The following ARHGAP39 variants were observed in gnomAD, a reference collection of about 807,000 sequenced individuals.
The protein encoded by ARHGAP39 is rho GTPase-activating protein 39.
Under a neutral mutation model 106.9 loss-of-function variants are expected in ARHGAP39, and 44 were observed. The ratio of observed to expected loss-of-function variants is 0.41; its 90% confidence interval spans 0.32 to 0.53. ARHGAP39 has a LOEUF of 0.53. Among genes scored for constraint, ARHGAP39 ranks in the 20% least tolerant of loss-of-function variants. The probability of loss-of-function intolerance (pLI) is 0.21; values close to 1 mark genes in which losing one functional copy is unlikely to be tolerated. For synonymous variants in ARHGAP39, 768 were observed against 693.2 expected, an observed-to-expected ratio of 1.11 and a Z score of -1.69; for missense variants, 1,496 against 1,577.3, an observed-to-expected ratio of 0.95 and a Z score of 0.87.
In ARHGAP39 at chr8:144,586,903, TCTC is replaced by T. The variant is rs543590118; in HGVS notation, c.81-5629_81-5627del. ...TGGTTTGGCTGTGTCCCCACCCAAATCTCCTCCTGAGTTGTAGTTCCCACAACC... is the reference window on the plus strand; with the variant it reads ...TGGTTTGGCTGTGTCCCCACCCAAATCTCCTGAGTTGTAGTTCCCACAACC... On this transcript the variant is annotated intron_variant, in intron 2 of 11. Transcript: ENST00000377307. The surrounding 1 kb of genome is among the most constrained non-coding windows in gnomAD (Gnocchi z 4.2). Among the ~76,000 whole-genome samples the T allele has an allele frequency of 4.5e-3, 680 of 152,228 alleles. 1 individual carries two copies. Among genetic ancestry groups the T allele is most frequent in the Non-Finnish European group, 8.4e-3 (570 of 68,008 alleles).
chr8:144,539,283 G>A (rs941717255), intron 6 of ARHGAP39, among the ~76,000 whole-genome samples: 2 of 152,156 alleles, frequency 1.3e-5, no homozygotes, highest in Admixed American at 6.5e-5. Context: ...AACATACAGA[G>A]CTAAACATGG....
At chr8:144,693,443 G>A in the ARHGAP39 span, among the ~76,000 whole-genome samples, 3 of 150,794 alleles carry the variant, frequency 2.0e-5, no homozygotes, top group African/African-American at 4.9e-5. Context: ...GCGCGATCTC[G>A]GCTCACTGCA....
intron 2 of ARHGAP39, among the ~76,000 whole-genome samples, chr8:144,584,724 C>T (rs1819118221): frequency 6.6e-6 from 1 of 152,208 alleles, no homozygotes; most frequent in Non-Finnish European, 1.5e-5. Flanking sequence ...GATCACGCCA[C>T]TGCACTCAGG....
intron 1 of ARHGAP39, among the ~76,000 whole-genome samples, chr8:144,649,407 G>A (rs775226436): frequency 2.0e-5 from 3 of 151,900 alleles, no homozygotes; most frequent in Non-Finnish European, 1.5e-5. Flanking sequence ...CTGAGATCGC[G>A]CCACTGCACT....
At chr8:144,693,232 T>C in the ARHGAP39 span, among the ~76,000 whole-genome samples, 1 of 148,608 alleles carries the variant, frequency 6.7e-6, no homozygotes, top group African/African-American at 2.5e-5. Context: ...GCCCAGCTGA[T>C]TTTTGTATTT....
intron 7 of ARHGAP39, 69 bp downstream of exon 7, chr8:144,537,652 C>T (rs1817014549): frequency 1.4e-6 from 2 of 1,411,584 alleles, no homozygotes; most frequent in Non-Finnish European, 2.0e-6. Context: ...AAGAGAAGGC[C>T]AGGCGGCCGA....
upstream of ARHGAP39, among the ~76,000 whole-genome samples, chr8:144,689,891 A>G (rs1229815422): frequency 6.6e-6 from 1 of 150,542 alleles, no homozygotes; most frequent in Non-Finnish European, 1.5e-5. Context: ...GATTACAGGC[A>G]TGTGCCACCA....
intron 1 of ARHGAP39, among the ~76,000 whole-genome samples, chr8:144,638,425 G>C (rs1057077668): frequency 1.3e-4 from 20 of 152,180 alleles, no homozygotes; most frequent in African/African-American, 4.8e-4. Context: ...TTCAGCCAAC[G>C]GCTCTTCAAA....
In ARHGAP39 at chr8:144,647,659, A is replaced by T. The variant is rs1399884591; in HGVS notation, c.-82+38027T>A. Among the ~76,000 whole-genome samples, 2 of 152,252 alleles carry T rather than the reference A, an allele frequency of 1.3e-5. No homozygotes were observed. The highest frequency in any genetic ancestry group is 6.5e-5 in the Admixed American group (1 of 15,278). ...CCTTTGGTGGGTGAGGGAAGGAATGACCAATCCAAGACAAGAAATGCTCGG... is the reference window on the plus strand; with the variant it reads ...CCTTTGGTGGGTGAGGGAAGGAATGTCCAATCCAAGACAAGAAATGCTCGG... On this transcript the variant is annotated intron_variant, in intron 1 of 11. Coordinates refer to ENST00000377307, the MANE Select transcript of ARHGAP39 (RefSeq NM_025251.3). The surrounding 1 kb of genome is among the most constrained non-coding windows in gnomAD (Gnocchi z 4.8).
rs1276362260 is a variant in ARHGAP39 at position 144,586,036 on chromosome 8, T to C, written c.81-4759A>G. On this transcript the variant is annotated intron_variant, in intron 2 of 11. Coordinates refer to ENST00000377307, the MANE Select transcript of ARHGAP39 (RefSeq NM_025251.3). This position sits in a 1 kb window ranked among gnomAD's most constrained non-coding sequence, Gnocchi z 4.2. ...CTCTGTCACCCAGGCTGGAGTGCAG[T>C]GGTGTGATCTCAGCTCACTGCAACC... is the stretch of plus-strand genomic sequence containing the variant. Among the ~76,000 whole-genome samples the C allele has an allele frequency of 6.6e-6, 1 of 152,162 alleles. No homozygotes were observed. The highest frequency in any genetic ancestry group is 1.5e-5 in the Non-Finnish European group (1 of 68,018).
intron 3 of ARHGAP39, among the ~76,000 whole-genome samples, chr8:144,562,932 G>A (rs919385227): frequency 2.0e-5 from 3 of 152,268 alleles, no homozygotes; most frequent in African/African-American, 7.2e-5. Context: ...GCTGACAGAC[G>A]TTACTGGTAC....
In ARHGAP39 at chr8:144,580,934, G is replaced by T. The variant is rs780728640; in HGVS notation, c.424C>A (p.Pro142Thr). 1 of 1,605,378 alleles carries T rather than the reference G, an allele frequency of 6.2e-7. No individual in the cohort carries two copies. The highest frequency in any genetic ancestry group is 2.2e-5 in the East Asian group (1 of 44,728). ...TGCGCTTTCTCAGTGTCGGGCTCGGGCTCCAGGGAGGAGCTGGTGCTGCCC... is the reference window on the plus strand; with the variant it reads ...TGCGCTTTCTCAGTGTCGGGCTCGGTCTCCAGGGAGGAGCTGGTGCTGCCC... The part of the protein sequence containing the change: ...REGSTSSSLE[P>T]EPDTEKAQEL... The change falls in exon 3 of 12, where the codon CCC (proline) becomes ACC (threonine). Residue 142 changes from proline to threonine, a missense_variant. Physicochemically the swap from Pro to Thr is conservative, Grantham distance 38. Around this residue, in one of 4 missense-constraint regions of ARHGAP39, gnomAD observed 905 missense variants for 816.4 expected, o/e 1.11. Coordinates refer to ENST00000377307, the MANE Select transcript of ARHGAP39 (RefSeq NM_025251.3).
rs758491166 is a variant in ARHGAP39 at position 144,545,266 on chromosome 8, G to A, written c.2504C>T (p.Pro835Leu). The A allele has an allele frequency of 3.2e-6, 5 of 1,548,362 alleles. No individual in the cohort carries two copies. The South Asian group carries it at 3.6e-5, about 11-fold the overall frequency. ...GGCCTTACCTTTAGTGTCATTGACG[G>A]GGTCCATGTGCCGGTAGATGTAGCC... ...LEGYIYRHMD[P>L]VNDTKVTQHI... Residue 835 changes from proline (P) to leucine (L), a missense_variant, in exon 6 of 12, where the codon CCC becomes CTC. By Grantham distance (98) the Pro-to-Leu change is moderately conservative. Transcript: ENST00000377307.
At chr8:144,556,501 T>C (rs1186890900) in intron 3 of ARHGAP39, among the ~76,000 whole-genome samples, 1 of 152,216 alleles carries the variant, frequency 6.6e-6, no homozygotes, top group Non-Finnish European at 1.5e-5. Flanking sequence ...TGATTAAGAA[T>C]ATCCAAATTA....
chr8:144,654,580 G>A (rs1554612073), intron 1 of ARHGAP39, among the ~76,000 whole-genome samples: 1 of 152,200 alleles, frequency 6.6e-6, no homozygotes, highest in Non-Finnish European at 1.5e-5. Flanking sequence ...CCATCACGCT[G>A]GCTGCAGCAG....
intron 1 of ARHGAP39, among the ~76,000 whole-genome samples, chr8:144,615,049 A>T (rs1820598788): frequency 6.6e-6 from 1 of 152,238 alleles, no homozygotes; most frequent in African/African-American, 2.4e-5. Context: ...TCATGGGGGC[A>T]GAGGCTCACG....
chr8:144,602,794 G>C (rs1398769379), intron 2 of ARHGAP39, among the ~76,000 whole-genome samples: 1 of 141,414 alleles, frequency 7.1e-6, no homozygotes, highest in Non-Finnish European at 1.5e-5. Context: ...AGGCGTGTGT[G>C]TGCATGTGCA....
intron 10 of ARHGAP39, 65 bp from the exon 11 acceptor site, chr8:144,530,936 C>A: frequency 1.9e-6 from 3 of 1,547,180 alleles, no homozygotes; most frequent in Non-Finnish European, 2.6e-6. Context: ...AATGGGGTCC[C>A]GTGGCGGACA....
chr8:144,532,210 A>T, intron 10 of ARHGAP39, 95 bp downstream of exon 10: 1 of 1,002,724 alleles, frequency 1.0e-6, no homozygotes, highest in Non-Finnish European at 1.5e-6. Flanking sequence ...ATCACTGGGC[A>T]GGATCAGGGT....
Sources: allele counts gnomAD v4.1 joint callset (sites outside exome capture counted in the v4.1 genomes callset), GRCh38; gene constraint gnomAD v4.1.1; regional missense constraint gnomAD v4.1.1; non-coding constraint Gnocchi (gnomAD v3.1); transcripts MANE v1.5; gene names NCBI Gene and HGNC (gene_info 2026-07-23, HGNC 2026-07-21).